SH3YL1: variants seen among roughly 807,000 people sequenced by gnomAD.
SH3YL1 encodes the protein SH3 domain-containing YSC84-like protein 1.
SH3YL1 carries 41 observed loss-of-function variants against 45.8 expected under a neutral mutation model. The observed-to-expected ratio is 0.89, with a 90% CI of 0.70 to 1.16. The LOEUF (loss-of-function observed/expected upper bound fraction) is 1.16. Ranked by LOEUF, SH3YL1 falls within the 50% of genes most tolerant of loss-of-function variation. The pLI is 0.00. For missense variants in SH3YL1, 389 were observed against 409.6 expected (o/e 0.95, Z 0.43); for synonymous variants, 152 against 151.4 (o/e 1.00, Z -0.03).
chr2:239,671 A>G (rs962512440), intron 4 of SH3YL1: 4 of 152,192 alleles, frequency 2.6e-5, no homozygotes, highest in African/African-American at 9.7e-5. Flanking sequence ...TTACAGTTGA[A>G]TCTCCATCCC....
At chr2:229,552 A>AC (rs2103023627) in intron 8 of SH3YL1, among the ~76,000 whole-genome samples, 1 of 151,578 alleles carries the variant, frequency 6.6e-6, no homozygotes, top group South Asian at 2.1e-4. Context: ...AAACGGTGAA[A>AC]CCCCGTCTCT....
intron 6 of SH3YL1, among the ~76,000 whole-genome samples, chr2:231,713 G>A (rs1369469939): frequency 6.6e-6 from 1 of 152,162 alleles, no homozygotes; most frequent in Non-Finnish European, 1.5e-5. Flanking sequence ...CCAGGGTTTA[G>A]TTGAACTTTA....
At chr2:244,251 C>T (rs1668680509) in intron 4 of SH3YL1, among the ~76,000 whole-genome samples, 1 of 151,294 alleles carries the variant, frequency 6.6e-6, no homozygotes, top group African/African-American at 2.4e-5. Flanking sequence ...AATCCCAGCA[C>T]TTTGGGAGGC....
intron 1 of SH3YL1, among the ~76,000 whole-genome samples, chr2:255,178 T>C (rs992003662): frequency 1.3e-5 from 2 of 152,228 alleles, no homozygotes; most frequent in African/African-American, 4.8e-5. Flanking sequence ...TATAAACTCA[T>C]GGTTTATTCT....
At chr2:243,911 G>A (rs1668657293) in intron 4 of SH3YL1, among the ~76,000 whole-genome samples, 1 of 152,160 alleles carries the variant, frequency 6.6e-6, no homozygotes, top group African/African-American at 2.4e-5. Flanking sequence ...TTACAGTGAG[G>A]TGGGCTTTAC....
chr2:219,036 T>C (rs984073865), intron 9 of SH3YL1, 35 bp from the exon 10 acceptor site: 1 of 1,560,314 alleles, frequency 6.4e-7, no homozygotes. Flanking sequence ...GTTTATGTTC[T>C]TTAAGGGAGA....
chr2:247,555 A>G lies in SH3YL1; in HGVS notation c.274T>C (p.Phe92Leu). 1 of 1,551,708 alleles carries G rather than the reference A, an allele frequency of 6.4e-7. No homozygotes were observed. The highest frequency in any genetic ancestry group is 8.7e-7 in the Non-Finnish European group (1 of 1,146,948). ...CTACTTACCTCAATTCCTATTTCAA[A>G]TCCTCCACCAAGGCCAGCTATCCCA... Reference protein sequence around the residue: ...AIGIAGLGGGFEIGIEVSDLV... With the variant: ...AIGIAGLGGGLEIGIEVSDLV... Residue 92 changes from phenylalanine to leucine, a missense_variant, in exon 4 of 10, where the codon TTT becomes CTT. Physicochemically the swap from Phe to Leu is conservative, Grantham distance 22. Coordinates refer to ENST00000356150, the MANE Select transcript of SH3YL1 (RefSeq NM_015677.4).
At chr2:253,277 G>T (rs954884669) in intron 1 of SH3YL1, among the ~76,000 whole-genome samples, 162 bp from the exon 2 acceptor site, 2 of 152,136 alleles carry the variant, frequency 1.3e-5, no homozygotes, top group African/African-American at 4.8e-5. Flanking sequence ...GACCTACTGG[G>T]CTGCATTCCC....
chr2:244,601 T>C (rs1668708289), intron 4 of SH3YL1: 1 of 151,998 alleles, frequency 6.6e-6, no homozygotes, highest in Admixed American at 6.5e-5. Flanking sequence ...AGTTAAATTA[T>C]TCAACAAATA....
Position 224,877 on chromosome 2 carries a change from A to G in SH3YL1, c.825T>C (p.Tyr275=). ...TTACTGATTTACCAACTCTCTCATGATAGCTGGAAAGTCCAGGATAGAGCT... is the reference window on the plus strand; with the variant it reads ...TTACTGATTTACCAACTCTCTCATGGTAGCTGGAAAGTCCAGGATAGAGCT... ...EYKLYPGLSS[Y]HERVGNLNQP... is the part of the protein sequence containing the mutation. Residue 275 remains tyrosine, a synonymous_variant, in exon 9 of 10, where the codon TAT becomes TAC. Transcript: ENST00000356150. The G allele has an allele frequency of 6.2e-7, 1 of 1,608,952 alleles. No individual in the cohort carries two copies. Among genetic ancestry groups the G allele is most frequent in the Non-Finnish European group, 8.5e-7 (1 of 1,175,338 alleles).
Position 219,011 on chromosome 2 carries a change from GA to G in SH3YL1, c.839-11del, listed in dbSNP as rs1558230081. 8 of 1,594,274 alleles carry G rather than the reference GA, an allele frequency of 5.0e-6. No individual in the cohort carries two copies. Among genetic ancestry groups the G allele is most frequent in the South Asian group, 1.1e-5 (1 of 87,216 alleles). Reference sequence around the variant, plus strand: ...GGTTGATTCAAATTGCCTGAAACAAGAAAAAAGTATTCACGTTTATGTTCTT... The same window carrying G: ...GGTTGATTCAAATTGCCTGAAACAAGAAAAAGTATTCACGTTTATGTTCTT... On this transcript the variant is annotated splice_polypyrimidine_tract_variant and intron_variant, in intron 9 of 9. Transcript: ENST00000356150.
chr2:259,842 A>G (rs1474484673), intron 1 of SH3YL1: 1 of 151,554 alleles, frequency 6.6e-6, no homozygotes, highest in African/African-American at 2.4e-5. Flanking sequence ...AGAAAGATAA[A>G]CTCCAAATTC....
rs1009493039 is a variant in SH3YL1 at position 225,655 on chromosome 2, A to G, written c.782-735T>C. 3.3e-5 allele frequency among the ~76,000 whole-genome samples: 5 copies of G among 152,382 alleles called. No homozygotes were observed. The East Asian group carries it at 5.8e-4, about 18-fold the overall frequency. On this transcript the variant is annotated intron_variant, in intron 8 of 9. Coordinates refer to ENST00000356150, the MANE Select transcript of SH3YL1 (RefSeq NM_015677.4). ...GGATACAAATATCCTCTGAGAATCTATTTTTAAAAACTGACTAGAAATAGT... is the reference window on the plus strand; with the variant it reads ...GGATACAAATATCCTCTGAGAATCTGTTTTTAAAAACTGACTAGAAATAGT...
chr2:248,243 A>G (rs1258986042), intron 3 of SH3YL1, among the ~76,000 whole-genome samples: 1 of 152,184 alleles, frequency 6.6e-6, no homozygotes, highest in African/African-American at 2.4e-5. Context: ...ATAGAAACTC[A>G]TGTTAAACAA....
chr2:264,537 T>G, upstream of SH3YL1: 1 of 179,304 alleles, frequency 5.6e-6, no homozygotes, highest in Non-Finnish European at 1.1e-5. Context: ...ATAGGTAACC[T>G]TTACCTCCCG....
chr2:225,040 GATC>G (rs1667736699), intron 8 of SH3YL1, 120 bp from the exon 9 acceptor site: 5 of 753,174 alleles, frequency 6.6e-6, no homozygotes, highest in Admixed American at 2.1e-5. Context: ...AAGTTGATAG[GATC>G]ATCATCATTT....
chr2:222,044 A>G (rs2103016100), intron 9 of SH3YL1, among the ~76,000 whole-genome samples: 1 of 152,338 alleles, frequency 6.6e-6, no homozygotes, highest in Admixed American at 6.5e-5. Context: ...GTTACCGGGA[A>G]GCAAACCCCA....
At chr2:263,894 T>C in intron 1 of SH3YL1, 90 bp downstream of exon 1, 1 of 1,134,914 alleles carries the variant, frequency 8.8e-7, no homozygotes, top group South Asian at 1.3e-5. Context: ...CCCAGAGGCA[T>C]CGCCGGTTTT....
At chr2:245,278 G>C (rs912081227) in intron 4 of SH3YL1, among the ~76,000 whole-genome samples, 37 of 152,198 alleles carry the variant, frequency 2.4e-4, no homozygotes, top group Non-Finnish European at 5.3e-4. Context: ...CCAATCCCTA[G>C]GAGATGCTTC....
Sources: gnomAD v4.1 joint callset for allele counts (sites outside exome capture counted in the v4.1 genomes callset) on GRCh38, gnomAD v4.1.1 for gene constraint, MANE v1.5 for transcripts, NCBI Gene and HGNC (gene_info 2026-07-23, HGNC 2026-07-21) for gene names.